Variants in UNC13C observed in about 807,000 individuals in gnomAD.
UNC13C encodes the protein unc-13 homolog C.
UNC13C carries 174 observed loss-of-function variants against 245.4 expected under a neutral mutation model. The observed-to-expected ratio is 0.71, with a 90% CI of 0.63 to 0.80. The LOEUF (loss-of-function observed/expected upper bound fraction) is 0.80. Among genes scored for constraint, UNC13C ranks in the 30% least tolerant of loss-of-function variants. The pLI, the probability that UNC13C is intolerant of heterozygous loss-of-function variation, is 0.00. For missense variants in UNC13C, 2,829 were observed against 2,602.9 expected (o/e 1.09, Z -1.89); for synonymous variants, 992 against 895.1 (o/e 1.11, Z -1.93).
intron 2 of UNC13C, among the ~76,000 whole-genome samples, chr15:54,074,159 G>A (rs1898472864): frequency 6.6e-6 from 1 of 151,992 alleles, no homozygotes; most frequent in Non-Finnish European, 1.5e-5. Flanking sequence ...GCTTGTTTTT[G>A]TCAGGTTTGC....
At chr15:54,434,834 A>C (rs975428730) in intron 19 of UNC13C, among the ~76,000 whole-genome samples, 2 of 152,168 alleles carry the variant, frequency 1.3e-5, no homozygotes, top group African/African-American at 4.8e-5. Flanking sequence ...CAATCTATCC[A>C]TCTGACAAAG....
chr15:54,234,609 A>C (rs959592885), intron 4 of UNC13C, among the ~76,000 whole-genome samples: 4 of 152,198 alleles, frequency 2.6e-5, no homozygotes, highest in African/African-American at 9.7e-5. Flanking sequence ...GTGAAGCAGA[A>C]GCACACAATA....
rs543073329 is a variant in UNC13C at position 54,462,938 on chromosome 15, A to T, written c.4934-31670A>T. Among the ~76,000 whole-genome samples, 13 of 152,100 alleles carry T rather than the reference A, an allele frequency of 8.5e-5. No individual in the cohort carries two copies. In the South Asian group the frequency reaches 2.7e-3, roughly 32 times the overall value. On this transcript the variant is annotated intron_variant, in intron 19 of 32. Transcript: ENST00000260323. ...TCCTGAGTCAGGTGGGGGCTTGGAG[A>T]ACTTTCGTGTCTAGCTAGAGAATTG...
At chr15:54,366,187 A>T (rs141781348) in intron 17 of UNC13C, among the ~76,000 whole-genome samples, 21 of 152,214 alleles carry the variant, frequency 1.4e-4, no homozygotes, top group African/African-American at 4.8e-4. Flanking sequence ...TTATTCTGTT[A>T]TTTAGAATTT....
intron 30 of UNC13C, among the ~76,000 whole-genome samples, chr15:54,596,073 G>T (rs1001077121): frequency 1.3e-5 from 2 of 152,118 alleles, no homozygotes; most frequent in Admixed American, 6.5e-5. Flanking sequence ...AAGCTTATTG[G>T]TATTTTTGGT....
intron 4 of UNC13C, among the ~76,000 whole-genome samples, chr15:54,213,272 T>TTTCA (rs541160062): frequency 6.6e-6 from 1 of 152,016 alleles, no homozygotes; most frequent in Non-Finnish European, 1.5e-5. Context: ...AAAAGAATTC[T>TTTCA]TTCATTCATT....
chr15:54,602,226 T>G (rs1290971008), intron 30 of UNC13C, among the ~76,000 whole-genome samples: 1 of 152,166 alleles, frequency 6.6e-6, no homozygotes, highest in Non-Finnish European at 1.5e-5. Context: ...GGGGATAACT[T>G]TATTTCGGAA....
At chr15:54,300,791 C>T (rs993857781) in intron 13 of UNC13C, among the ~76,000 whole-genome samples, 2 of 152,120 alleles carry the variant, frequency 1.3e-5, no homozygotes, top group African/African-American at 2.4e-5. Context: ...GTAACTAAAG[C>T]CCTGGTTTGT....
In UNC13C at chr15:54,627,034, C is replaced by T. The variant is rs1284198998; in HGVS notation, c.6566C>T (p.Ser2189Phe). Reference protein sequence around the residue: ...ETGLTILRILSQRTSDDVAKE... With the variant: ...ETGLTILRILFQRTSDDVAKE... ...GGTTTGACTATCCTTAGAATACTCT[C>T]TCAGAGGACCAGTGATGATGTGGCT... Residue 2189 changes from serine to phenylalanine, a missense_variant, in exon 33 of 33, where the codon TCT (serine) becomes TTT (phenylalanine). By Grantham distance (155) the Ser-to-Phe change is radical. Coordinates refer to ENST00000260323, the MANE Select transcript of UNC13C (RefSeq NM_001080534.3). The T allele has an allele frequency of 3.1e-6, 5 of 1,613,170 alleles. No individual in the cohort carries two copies. Among genetic ancestry groups the T allele is most frequent in the Non-Finnish European group, 4.2e-6 (5 of 1,179,506 alleles).
At chr15:54,127,355 C>T (rs928434135) in intron 2 of UNC13C, among the ~76,000 whole-genome samples, 56 of 152,122 alleles carry the variant, frequency 3.7e-4, no homozygotes, top group African/African-American at 1.2e-3. Flanking sequence ...CACATATACA[C>T]GATGGAATAC....
chr15:54,268,744 C>A (rs2036610551), intron 10 of UNC13C, among the ~76,000 whole-genome samples: 2 of 152,108 alleles, frequency 1.3e-5, no homozygotes, highest in Non-Finnish European at 2.9e-5. Flanking sequence ...GAGGTTTTGT[C>A]TTCTGCCCAG....
chr15:54,541,174 C>T (rs1216577526), intron 26 of UNC13C, among the ~76,000 whole-genome samples: 1 of 152,052 alleles, frequency 6.6e-6, no homozygotes, highest in Non-Finnish European at 1.5e-5. Context: ...CTTTTACATA[C>T]ACAGTGTTAG....
At chr15:53,989,591 T>TA (rs1307136437) in intron 1 of UNC13C, among the ~76,000 whole-genome samples, 1 of 152,016 alleles carries the variant, frequency 6.6e-6, no homozygotes, top group East Asian at 1.9e-4. Flanking sequence ...TTTCTTTTTT[T>TA]ATTCTCAGAT....
intron 4 of UNC13C, among the ~76,000 whole-genome samples, chr15:54,193,232 G>A (rs189728983): frequency 3.1e-4 from 47 of 152,128 alleles, no homozygotes; most frequent in African/African-American, 1.0e-3. Flanking sequence ...GTTAAGAGTC[G>A]TTACATATCT....
intron 19 of UNC13C, among the ~76,000 whole-genome samples, chr15:54,471,076 C>A (rs1436117253): frequency 6.6e-6 from 1 of 151,412 alleles, no homozygotes; most frequent in Non-Finnish European, 1.5e-5. Flanking sequence ...AAAGATACTT[C>A]ATATGATTTT....
chr15:54,101,862 G>C (rs1444500968), intron 2 of UNC13C, among the ~76,000 whole-genome samples: 6 of 151,814 alleles, frequency 4.0e-5, no homozygotes, highest in African/African-American at 9.7e-5. Flanking sequence ...GGGATCACAG[G>C]TGTGAGCCAC....
At chr15:53,993,365 G>C (rs1353794807) in intron 1 of UNC13C, among the ~76,000 whole-genome samples, 1 of 152,098 alleles carries the variant, frequency 6.6e-6, no homozygotes, top group East Asian at 1.9e-4. Flanking sequence ...GCAGAAGAGA[G>C]AGAATGAGCA....
the UNC13C span, among the ~76,000 whole-genome samples, chr15:53,939,171 A>G: frequency 6.6e-6 from 1 of 152,222 alleles, no homozygotes. Context: ...CAGTGACCCC[A>G]CAGAAATACA....
intron 30 of UNC13C, among the ~76,000 whole-genome samples, chr15:54,605,656 C>A (rs550268241): frequency 6.6e-6 from 1 of 152,248 alleles, no homozygotes; most frequent in East Asian, 1.9e-4. Flanking sequence ...ATCATCCTAA[C>A]CAAGTTTTAA....
Sources: allele counts gnomAD v4.1 joint callset (sites outside exome capture counted in the v4.1 genomes callset), GRCh38; gene constraint gnomAD v4.1.1; transcripts MANE v1.5; gene names NCBI Gene and HGNC (gene_info 2026-07-23, HGNC 2026-07-21).